The following WDR1 variants were observed in gnomAD, a reference collection of about 807,000 sequenced individuals.
The protein encoded by WDR1 is WD repeat domain 1, also known as WD repeat-containing protein 1.
Under a neutral mutation model 71.9 loss-of-function variants are expected in WDR1, and 21 were observed. The ratio of observed to expected loss-of-function variants is 0.29; its 90% confidence interval spans 0.21 to 0.42. The LOEUF is 0.42. WDR1 is among the 10% of genes least tolerant of loss of function. The pLI, the probability that WDR1 is intolerant of heterozygous loss-of-function variation, is 1.00. For synonymous variants in WDR1, 424 were observed against 347.4 expected, an observed-to-expected ratio of 1.22 and a Z score of -2.45; for missense variants, 696 against 824.5, an observed-to-expected ratio of 0.84 and a Z score of 1.91.
intron 5 of WDR1, among the ~76,000 whole-genome samples, chr4:10,093,499 T>G (rs1233976571): frequency 1.3e-5 from 2 of 152,244 alleles, no homozygotes; most frequent in East Asian, 3.8e-4. Flanking sequence ...CCGGTCCACT[T>G]AGTTGGGCTG....
chr4:10,086,632 C>CT (rs1711586797), intron 8 of WDR1, among the ~76,000 whole-genome samples: 1 of 152,236 alleles, frequency 6.6e-6, no homozygotes, highest in Non-Finnish European at 1.5e-5. Flanking sequence ...CACACTAGCC[C>CT]TGCAGGGTTC....
At chr4:10,090,669 G>C (rs1313628191) in intron 5 of WDR1, among the ~76,000 whole-genome samples, 2 of 152,198 alleles carry the variant, frequency 1.3e-5, no homozygotes, top group African/African-American at 4.8e-5. Flanking sequence ...GGTCAGGCTG[G>C]ACACAGGCCC....
At chr4:10,075,624 G>T (rs1199835946) in intron 14 of WDR1, 140 bp from the exon 15 acceptor site, 7 of 753,818 alleles carry the variant, frequency 9.3e-6, no homozygotes, top group African/African-American at 6.9e-5. Flanking sequence ...TAACTCAGGA[G>T]CCTGGCACGG....
chr4:10,088,803 GCT>G (rs1711774102), intron 5 of WDR1, 62 bp from the exon 6 acceptor site: 7 of 1,293,238 alleles, frequency 5.4e-6, no homozygotes, highest in Non-Finnish European at 7.7e-6. Flanking sequence ...GTTCAAGAAT[GCT>G]CTCTATGAAA....
intron 11 of WDR1, among the ~76,000 whole-genome samples, chr4:10,080,219 T>G (rs1020040185): frequency 2.6e-5 from 4 of 152,196 alleles, no homozygotes; most frequent in African/African-American, 9.6e-5. Context: ...GGGTGGCCTA[T>G]GATGACCACA....
intron 2 of WDR1, among the ~76,000 whole-genome samples, chr4:10,105,467 C>G (rs12509714): frequency 0.49 from 74,156 of 152,082 alleles, 18,957 homozygotes; most frequent in Non-Finnish European, 0.56. Context: ...TAGAATGTAT[C>G]AAGGTGTCTA....
Position 10,099,008 on chromosome 4 carries a change from C to T in WDR1, c.361G>A (p.Gly121Arg), listed in dbSNP as rs1712525349. Residue 121 changes from glycine (G) to arginine (R), a missense_variant, in exon 4 of 15, where the codon GGG becomes AGG. Transcript: ENST00000499869. Reference protein sequence around the residue: ...TEDSKRIAVVGEGREKFGAVF... With the variant: ...TEDSKRIAVVREGREKFGAVF... ...GTGACTCACTTCTCCCTTCCTTCCCCGACCACGGCGATCCTCTTACTGTCT... is the reference window on the plus strand; with the variant it reads ...GTGACTCACTTCTCCCTTCCTTCCCTGACCACGGCGATCCTCTTACTGTCT... The T allele has an allele frequency of 6.2e-7, 1 of 1,614,010 alleles. No homozygotes were observed.
rs1208231979 is a variant in WDR1, at chr4:10,078,995, G to A, written c.1291C>T (p.Leu431=). The part of the protein sequence containing the change: ...AVVVCIGQIV[L]LKDQRKCFSI... ...AAGCACTTCCTCTGATCCTTCAGCA[G>A]GACAATCTGTGGCACACACAGGCAG... is the stretch of plus-strand genomic sequence containing the variant. The change falls in exon 12 of 15, where the codon CTG becomes TTG. Residue 431 remains leucine, a synonymous_variant. Coordinates refer to ENST00000499869, the MANE Select transcript of WDR1 (RefSeq NM_017491.5). 1.9e-6 allele frequency: 3 copies of A among 1,604,192 alleles called. No homozygotes were observed. The highest frequency in any genetic ancestry group is 2.6e-6 in the Non-Finnish European group (3 of 1,174,198).
At chr4:10,116,349 G>A (rs1297103571) in intron 1 of WDR1, 115 bp from the exon 2 acceptor site, 71 of 1,461,740 alleles carry the variant, frequency 4.9e-5, no homozygotes, top group Non-Finnish European at 6.3e-5. Context: ...TGCGCCGGGA[G>A]GGCGGCCTCC....
Position 10,075,233 on chromosome 4 carries a change from G to A in WDR1, c.*145C>T. 1 of 665,980 alleles carries A rather than the reference G, an allele frequency of 1.5e-6. No individual in the cohort carries two copies. 41.3% of individuals were successfully genotyped at this position (665,980 alleles called of 1,614,324 possible). A position where few individuals can be genotyped will look rare whatever the true frequency, so the allele number is the denominator to read the frequency against. On this transcript the variant is annotated 3_prime_UTR_variant, in exon 15 of 15. Coordinates refer to ENST00000499869, the MANE Select transcript of WDR1 (RefSeq NM_017491.5). ...AGAACGTGTACAGACACCCTGCAGA[G>A]ACGAGGGTCATGACTGGGCCCTCCT...
rs1764766048 is a variant in WDR1 at position 10,075,468 on chromosome 4, G to A, written c.1731C>T (p.His577=). The part of the protein sequence containing the change: ...RVKIQDAHRL[H]HVSSLAWLDE... ...CCAGCCAGGCCAGGCTGCTGACATG[G>A]TGCAGCCGGTGTGCATCTGGGAAGA... The change falls in exon 15 of 15, where the codon CAC becomes CAT. Residue 577 remains histidine, a synonymous_variant. Coordinates refer to ENST00000499869, the MANE Select transcript of WDR1 (RefSeq NM_017491.5). The A allele has an allele frequency of 1.2e-6, 2 of 1,614,014 alleles. No individual in the cohort carries two copies. The highest frequency in any genetic ancestry group is 1.7e-6 in the Non-Finnish European group (2 of 1,179,888).
Position 10,082,042 on chromosome 4 carries a change from G to C in WDR1, c.1197-598C>G, listed in dbSNP as rs534748516. ...AGGTCACCAGGCCAAGGCTGGCTCT[G>C]TAAGGGCCTTGCCTTGGGTTATCTG... is the stretch of plus-strand genomic sequence containing the variant. On this transcript the variant is annotated intron_variant, in intron 10 of 14. Transcript: ENST00000499869. 5.9e-5 allele frequency among the ~76,000 whole-genome samples: 9 copies of C among 152,316 alleles called. No homozygotes were observed. In the South Asian group the frequency reaches 6.2e-4, roughly 11 times the overall value.
chr4:10,098,287 G>C (rs765322515), intron 4 of WDR1, among the ~76,000 whole-genome samples: 1 of 152,218 alleles, frequency 6.6e-6, no homozygotes, highest in African/African-American at 2.4e-5. Flanking sequence ...CACTGTTTTA[G>C]TTACTATTTG....
intron 3 of WDR1, 45 bp from the exon 4 acceptor site, chr4:10,099,184 G>GTT: frequency 2.2e-6 from 1 of 450,126 alleles, no homozygotes. Context: ...CGGTGGTGGG[G>GTT]TAAAGGGCAG....
In WDR1 at chr4:10,109,956, C is replaced by T. The variant is rs1713251309; in HGVS notation, c.139-5970G>A. 2.0e-5 allele frequency among the ~76,000 whole-genome samples: 3 copies of T among 152,210 alleles called. No homozygotes were observed. In the South Asian group the frequency reaches 6.2e-4, roughly 31 times the overall value. Reference sequence around the variant, plus strand: ...GCTCCGTTAAATCTTACACTGATCCCATGATAACATTCCTCCCACTCTCGC... The same window carrying T: ...GCTCCGTTAAATCTTACACTGATCCTATGATAACATTCCTCCCACTCTCGC... On this transcript the variant is annotated intron_variant, in intron 2 of 14. Coordinates refer to ENST00000499869, the MANE Select transcript of WDR1 (RefSeq NM_017491.5).
At chr4:10,116,262 T>C (rs761013390) in intron 1 of WDR1, 28 bp from the exon 2 acceptor site, 4 of 1,612,560 alleles carry the variant, frequency 2.5e-6, no homozygotes, top group South Asian at 2.2e-5. Context: ...CGGCGGGGCA[T>C]GTCAGGGCAG....
At position 10,116,092 on chromosome 4, in the gene WDR1, C is replaced by A. The variant is rs73104537; in HGVS notation, c.138+21G>T. ...AAGGTGGCTCCGGAGCAGAACCGCG[C>A]CCGGGGTAGGGGGTACTCACGTCGA... On this transcript the variant is annotated intron_variant, in intron 2 of 14. Coordinates refer to ENST00000499869, the MANE Select transcript of WDR1 (RefSeq NM_017491.5). 7,063 of 1,606,622 alleles carry A rather than the reference C, an allele frequency of 4.4e-3. 252 individuals carry two copies. The African/African-American group carries it at 0.078, about 18-fold the overall frequency.
At chr4:10,093,290 G>T (rs989346851) in intron 5 of WDR1, 1 of 457,414 alleles carries the variant, frequency 2.2e-6, no homozygotes, top group Admixed American at 3.1e-5. Flanking sequence ...TGAGCTGGTA[G>T]AAGGGGACAG....
At chr4:10,083,242 A>G in intron 9 of WDR1, 64 bp from the exon 10 acceptor site, 2 of 1,549,498 alleles carry the variant, frequency 1.3e-6, no homozygotes, top group African/African-American at 1.4e-5. Flanking sequence ...GTGTGGCTTC[A>G]GTCCTAAGAT....
Sources: gnomAD v4.1 joint callset for allele counts (sites outside exome capture counted in the v4.1 genomes callset) on GRCh38, gnomAD v4.1.1 for gene constraint, MANE v1.5 for transcripts, NCBI Gene and HGNC (gene_info 2026-07-23, HGNC 2026-07-21) for gene names.